Variants in CTNNA3 observed in about 807,000 individuals in gnomAD.
CTNNA3 encodes catenin alpha 3, also known as catenin alpha-3.
In CTNNA3, 76 loss-of-function variants were observed where a neutral mutation model predicts 95.7. The observed-to-expected ratio is 0.79, with a 90% CI of 0.66 to 0.96. CTNNA3 has a LOEUF of 0.96. Among genes scored for constraint, CTNNA3 ranks in the 40% least tolerant of loss-of-function variants. CTNNA3 has a pLI of 0.00. For missense variants in CTNNA3, 1,191 were observed against 1,089.8 expected, an observed-to-expected ratio of 1.09 and a Z score of -1.31; for synonymous variants, 431 against 374.4, an observed-to-expected ratio of 1.15 and a Z score of -1.74.
chr10:67,326,753 G>A lies in CTNNA3; in HGVS notation c.580-106883C>T, dbSNP rs933505920. 4.1e-4 allele frequency among the ~76,000 whole-genome samples: 62 copies of A among 152,128 alleles called. 1 individual carries two copies. ...ATCTTAGGGGTTCTCTGCATTTCCTGAATTTGAATGTTGGCCTCTTTAGCT... is the reference window on the plus strand; with the variant it reads ...ATCTTAGGGGTTCTCTGCATTTCCTAAATTTGAATGTTGGCCTCTTTAGCT... On this transcript the variant is annotated intron_variant, in intron 5 of 17. Transcript: ENST00000433211.
At chr10:66,332,996 T>A (rs1260431912) in intron 12 of CTNNA3, among the ~76,000 whole-genome samples, 1 of 152,140 alleles carries the variant, frequency 6.6e-6, no homozygotes, top group African/African-American at 2.4e-5. Context: ...TTCTTTGAGA[T>A]TTTCTAGTTT....
intron 7 of CTNNA3, among the ~76,000 whole-genome samples, chr10:67,064,484 A>G (rs1280261226): frequency 6.6e-6 from 1 of 152,200 alleles, no homozygotes; most frequent in Non-Finnish European, 1.5e-5. Context: ...TTAAGTTCAC[A>G]ATAAATTTTA....
chr10:66,439,655 T>C (rs893901837), intron 11 of CTNNA3, among the ~76,000 whole-genome samples: 1 of 152,170 alleles, frequency 6.6e-6, no homozygotes, highest in African/African-American at 2.4e-5. Flanking sequence ...CAGAGGAATA[T>C]CCGGCTAATA....
chr10:66,289,062 C>A (rs1008738523), intron 12 of CTNNA3, among the ~76,000 whole-genome samples: 2 of 151,944 alleles, frequency 1.3e-5, no homozygotes, highest in African/African-American at 4.8e-5. Context: ...TGGGATTCTA[C>A]AGCTGATGAA....
chr10:67,057,961 T>C (rs1271108904), intron 7 of CTNNA3, among the ~76,000 whole-genome samples: 1 of 152,106 alleles, frequency 6.6e-6, no homozygotes, highest in Non-Finnish European at 1.5e-5. Flanking sequence ...TTTCCTATAA[T>C]TCCAGAATGA....
At chr10:66,059,399 A>G (rs887538904) in intron 15 of CTNNA3, among the ~76,000 whole-genome samples, 4 of 152,154 alleles carry the variant, frequency 2.6e-5, no homozygotes, top group African/African-American at 9.6e-5. Flanking sequence ...CACCTGCCAG[A>G]GTCTCAGATG....
At chr10:66,197,686 T>C (rs943936037) in intron 13 of CTNNA3, among the ~76,000 whole-genome samples, 1 of 152,158 alleles carries the variant, frequency 6.6e-6, no homozygotes, top group African/African-American at 2.4e-5. Context: ...TGTCCTTAAG[T>C]AGAAATTCTC....
At chr10:67,014,672 A>G (rs1162776023) in intron 7 of CTNNA3, among the ~76,000 whole-genome samples, 1 of 152,054 alleles carries the variant, frequency 6.6e-6, no homozygotes, top group Non-Finnish European at 1.5e-5. Context: ...AAGAATGACT[A>G]TTCTTTCATT....
At chr10:66,500,701 T>G (rs1358015922) in intron 11 of CTNNA3, among the ~76,000 whole-genome samples, 1 of 152,160 alleles carries the variant, frequency 6.6e-6, no homozygotes, top group Non-Finnish European at 1.5e-5. Flanking sequence ...TGTCAAATTA[T>G]TTAGATACAC....
chr10:66,056,010 T>G (rs1420783626), intron 15 of CTNNA3, among the ~76,000 whole-genome samples: 1 of 152,074 alleles, frequency 6.6e-6, no homozygotes, highest in Non-Finnish European at 1.5e-5. Flanking sequence ...TGAATGACTT[T>G]TATTTCTTTC....
intron 12 of CTNNA3, among the ~76,000 whole-genome samples, chr10:66,314,169 C>T (rs1312268636): frequency 6.6e-6 from 1 of 152,106 alleles, no homozygotes; most frequent in Non-Finnish European, 1.5e-5. Context: ...TCCCCGGGAG[C>T]TGCACAGGTA....
chr10:66,219,011 ATT>A (rs759970648), intron 13 of CTNNA3, among the ~76,000 whole-genome samples: 141 of 152,318 alleles, frequency 9.3e-4, no homozygotes, highest in Middle Eastern at 6.8e-3. Flanking sequence ...TATAGTGGTT[ATT>A]CATATGCTTG....
chr10:66,397,624 T>C (rs1280188236), intron 11 of CTNNA3, among the ~76,000 whole-genome samples: 1 of 151,764 alleles, frequency 6.6e-6, no homozygotes, highest in Non-Finnish European at 1.5e-5. Context: ...TCAAGATAAA[T>C]AACTCACTGT....
intron 13 of CTNNA3, among the ~76,000 whole-genome samples, chr10:66,205,535 G>C (rs137921807): frequency 1.8e-4 from 27 of 151,936 alleles, no homozygotes; most frequent in African/African-American, 6.0e-4. Context: ...TGGATTTCTA[G>C]AATCTAACTT....
At chr10:66,376,890 G>A (rs913562616) in intron 12 of CTNNA3, among the ~76,000 whole-genome samples, 4 of 152,082 alleles carry the variant, frequency 2.6e-5, no homozygotes, top group Non-Finnish European at 5.9e-5. Flanking sequence ...TGAAGCAGAC[G>A]CAAACAACGA....
chr10:67,645,227 T>A (rs1006488425), intron 2 of CTNNA3, among the ~76,000 whole-genome samples: 6 of 151,998 alleles, frequency 3.9e-5, no homozygotes, highest in African/African-American at 1.5e-4. Context: ...TGACTAGCAT[T>A]ACCCTTTAAT....
chr10:66,850,187 C>T (rs10997406), intron 7 of CTNNA3, among the ~76,000 whole-genome samples: 87,794 of 151,966 alleles, frequency 0.58, 26,383 homozygotes, highest in Non-Finnish European at 0.63. Flanking sequence ...TAAATAAAAA[C>T]GAAAAATCTG....
chr10:66,736,110 C>A (rs992656879), intron 9 of CTNNA3, among the ~76,000 whole-genome samples: 2 of 152,158 alleles, frequency 1.3e-5, no homozygotes, highest in African/African-American at 4.8e-5. Context: ...TCTTATTCAA[C>A]GTGCTGGGAA....
At chr10:66,486,699 A>T (rs1429351471) in intron 11 of CTNNA3, among the ~76,000 whole-genome samples, 1 of 152,154 alleles carries the variant, frequency 6.6e-6, no homozygotes, top group Non-Finnish European at 1.5e-5. Context: ...GTATATAGCC[A>T]AAGGAATTAA....
Sources: allele counts gnomAD v4.1 joint callset (sites outside exome capture counted in the v4.1 genomes callset), GRCh38; gene constraint gnomAD v4.1.1; transcripts MANE v1.5; gene names NCBI Gene and HGNC (gene_info 2026-07-23, HGNC 2026-07-21).